The following CCDC83 variants were observed in gnomAD, a reference collection of about 807,000 sequenced individuals.
CCDC83 encodes the protein coiled-coil domain-containing protein 83.
A neutral mutation model predicts 50.1 loss-of-function variants in CCDC83; 54 were observed. The ratio of observed to expected loss-of-function variants is 1.08; its 90% CI spans 0.87 to 1.35. The LOEUF (loss-of-function observed/expected upper bound fraction) is 1.35, where lower values mean the gene tolerates loss of function less well. Among genes scored for constraint, CCDC83 ranks in the 40% most tolerant of loss-of-function variants. CCDC83 has a pLI of 0.00. For synonymous variants in CCDC83, 161 were observed against 153.3 expected, an observed-to-expected ratio of 1.05 and a Z score of -0.37; for missense variants, 518 against 473.9, an observed-to-expected ratio of 1.09 and a Z score of -0.86.
At chr11:85,901,642 A>C (rs1457080777) in intron 7 of CCDC83, among the ~76,000 whole-genome samples, 1 of 68,648 alleles carries the variant, frequency 1.5e-5, no homozygotes, top group Non-Finnish European at 3.0e-5. Flanking sequence ...ACCACAATAC[A>C]AAAAAAAAAA....
Position 85,911,282 on chromosome 11 carries a change from T to C in CCDC83, c.674T>C (p.Val225Ala), listed in dbSNP as rs758639912. The change falls in exon 8 of 11, where the codon GTT becomes GCT. Residue 225 changes from valine (V) to alanine (A), a missense_variant and splice_region_variant. By Grantham distance (64) the Val-to-Ala change is moderately conservative (BLOSUM62 0). Transcript: ENST00000342404. ...TTCATTCTCTTCTTCTGAGAACAGG[T>C]TGCAATTCACAGGAAGGAAGTTGAA... ...IWENDWLKKE[V>A]AIHRKEVEEL... The C allele has an allele frequency of 5.0e-6, 8 of 1,606,646 alleles. No individual in the cohort carries two copies. Among genetic ancestry groups the C allele is most frequent in the South Asian group, 1.1e-5 (1 of 89,544 alleles).
At chr11:85,875,328 T>G (rs1422665332) in intron 3 of CCDC83, among the ~76,000 whole-genome samples, 1 of 152,244 alleles carries the variant, frequency 6.6e-6, no homozygotes, top group African/African-American at 2.4e-5. Context: ...TACCCAGGAC[T>G]GTTTCCAGCT....
Position 85,882,596 on chromosome 11 carries a change from A to G in CCDC83, c.264A>G (p.Pro88=). 6.2e-7 allele frequency: 1 copy of G among 1,614,040 alleles called. No individual in the cohort carries two copies. Among genetic ancestry groups the G allele is most frequent in the Non-Finnish European group, 8.5e-7 (1 of 1,179,894 alleles). The change falls in exon 4 of 11, where the codon CCA becomes CCG. Residue 88 remains proline, a synonymous_variant. Transcript: ENST00000342404. ...ELSEEKAEGL[P]VVTREDVEEA... ...GTGAAGAGAAGGCAGAGGGATTGCC[A>G]GTTGTAACAAGAGAGGATGTTGAAG... is the stretch of plus-strand genomic sequence containing the variant.
intron 6 of CCDC83, among the ~76,000 whole-genome samples, chr11:85,898,323 C>G (rs1040504880): frequency 6.6e-6 from 1 of 152,106 alleles, no homozygotes; most frequent in South Asian, 2.1e-4. Flanking sequence ...ATAAAAGCAT[C>G]TCGCAGAGAA....
rs568219438 is a variant in CCDC83, at chr11:85,878,396, C to T, written c.181-4117C>T. Among the ~76,000 whole-genome samples, 24 of 152,334 alleles carry T rather than the reference C, an allele frequency of 1.6e-4. No individual in the cohort carries two copies. The East Asian group carries it at 1.7e-3, about 11-fold the overall frequency. ...ATTATTCTGTTCTCCATTATTATAACGTCACTTCAGGAATGTTATACAAAT... is the reference window on the plus strand; with the variant it reads ...ATTATTCTGTTCTCCATTATTATAATGTCACTTCAGGAATGTTATACAAAT... On this transcript the variant is annotated intron_variant, in intron 3 of 10. Transcript: ENST00000342404.
chr11:85,912,739 C>A, intron 8 of CCDC83: 1 of 1,592,336 alleles, frequency 6.3e-7, no homozygotes, highest in Non-Finnish European at 8.6e-7. Context: ...CCAGGCGTTG[C>A]TGGTATGTGG....
At chr11:85,863,921 G>A (rs1291020884) in intron 1 of CCDC83, among the ~76,000 whole-genome samples, 1 of 152,228 alleles carries the variant, frequency 6.6e-6, no homozygotes, top group Non-Finnish European at 1.5e-5. Context: ...CTATATCTCA[G>A]ACACTATGCT....
At chr11:85,891,506 G>A (rs1019201378) in intron 5 of CCDC83, among the ~76,000 whole-genome samples, 2 of 152,164 alleles carry the variant, frequency 1.3e-5, no homozygotes, top group Non-Finnish European at 2.9e-5. Context: ...AAGGTGAGGG[G>A]TTATTACAAG....
chr11:85,862,804 G>T (rs147118581), intron 1 of CCDC83, among the ~76,000 whole-genome samples: 25 of 152,050 alleles, frequency 1.6e-4, no homozygotes, highest in Non-Finnish European at 3.5e-4. Context: ...AGATGTTGAG[G>T]TACTATCATT....
intron 7 of CCDC83, among the ~76,000 whole-genome samples, chr11:85,904,730 C>G (rs1415133157): frequency 2.0e-5 from 3 of 152,126 alleles, no homozygotes; most frequent in Non-Finnish European, 4.4e-5. Flanking sequence ...TTAAGTTTCT[C>G]TTCAAAAATT....
intron 5 of CCDC83, among the ~76,000 whole-genome samples, chr11:85,887,732 G>A (rs1467783181): frequency 1.3e-5 from 2 of 150,220 alleles, no homozygotes; most frequent in Non-Finnish European, 3.0e-5. Context: ...GTAACAACAT[G>A]AACATCCTTC....
At chr11:85,874,386 G>T (rs942463669) in intron 3 of CCDC83, among the ~76,000 whole-genome samples, 1 of 152,164 alleles carries the variant, frequency 6.6e-6, no homozygotes, top group African/African-American at 2.4e-5. Flanking sequence ...ATCAGGACTT[G>T]GTTGTGGAAA....
At position 85,895,369 on chromosome 11, in the gene CCDC83, G is replaced by A. The variant is rs750461883; in HGVS notation, c.588G>A (p.Lys196=). 8 of 1,563,268 alleles carry A rather than the reference G, an allele frequency of 5.1e-6. No individual in the cohort carries two copies. In the South Asian group the frequency reaches 9.2e-5, roughly 18 times the overall value. The change falls in exon 6 of 11, where the codon AAG becomes AAA. Residue 196 remains lysine (K), a synonymous_variant. Coordinates refer to ENST00000342404, the MANE Select transcript of CCDC83 (RefSeq NM_001286159.2). ...KETLLQLDQK[K]EWATQNAVKL... ...CTTTGTTGCAACTGGACCAAAAGAA[G>A]GAATGGGCCACACAGGTATAATTCA...
At chr11:85,905,969 C>CAAAAAAA (rs760367430) in intron 7 of CCDC83, among the ~76,000 whole-genome samples, 1 of 47,634 alleles carries the variant, frequency 2.1e-5, no homozygotes, top group Non-Finnish European at 4.4e-5. Context: ...GACTCCGTCT[C>CAAAAAAA]AAAAAAAAAA....
At chr11:85,904,652 C>T (rs992985227) in intron 7 of CCDC83, among the ~76,000 whole-genome samples, 4 of 151,994 alleles carry the variant, frequency 2.6e-5, no homozygotes, top group African/African-American at 9.7e-5. Flanking sequence ...ATTTTTTTTC[C>T]CTGCCAAATA....
chr11:85,864,025 C>A (rs1288733316), intron 1 of CCDC83, among the ~76,000 whole-genome samples: 4 of 152,090 alleles, frequency 2.6e-5, no homozygotes, highest in African/African-American at 9.7e-5. Context: ...AACTGAAGTT[C>A]CTCAAAAAGA....
rs758272612 is a variant in CCDC83, at chr11:85,898,972, G to C, written c.629G>C (p.Gly210Ala). 1 of 1,612,504 alleles carries C rather than the reference G, an allele frequency of 6.2e-7. No individual in the cohort carries two copies. Residue 210 changes from glycine to alanine, a missense_variant, in exon 7 of 11, where the codon GGC (glycine) becomes GCC (alanine). Physicochemically the swap from Gly to Ala is moderately conservative, Grantham distance 60. Coordinates refer to ENST00000342404, the MANE Select transcript of CCDC83 (RefSeq NM_001286159.2). ...AATGCTGTAAAGCTCATTGACAAGG[G>C]CAGTTATCTAGAGATCTGGGAGAAT... is the stretch of plus-strand genomic sequence containing the variant. Reference protein sequence around the residue: ...TQNAVKLIDKGSYLEIWENDW... With the variant: ...TQNAVKLIDKASYLEIWENDW...
At chr11:85,917,233 A>C (rs1181676970) in intron 10 of CCDC83, among the ~76,000 whole-genome samples, 2 of 149,830 alleles carry the variant, frequency 1.3e-5, no homozygotes, top group African/African-American at 4.9e-5. Flanking sequence ...AAAGAAAGAA[A>C]AGAAAGAAAG....
chr11:85,895,874 C>T (rs2135082352), intron 6 of CCDC83, among the ~76,000 whole-genome samples: 1 of 152,216 alleles, frequency 6.6e-6, no homozygotes, highest in South Asian at 2.1e-4. Context: ...AGTGCAGCGG[C>T]ACAATCACAG....
Sources: allele counts gnomAD v4.1 joint callset (sites outside exome capture counted in the v4.1 genomes callset), GRCh38; gene constraint gnomAD v4.1.1; transcripts MANE v1.5; gene names NCBI Gene and HGNC (gene_info 2026-07-23, HGNC 2026-07-21).